Variants in TBC1D2 observed in about 807,000 individuals in gnomAD.
TBC1D2 encodes the protein TBC1 domain family member 2A.
Under a neutral mutation model 91.1 loss-of-function variants are expected in TBC1D2, and 58 were observed. The ratio of observed to expected loss-of-function variants is 0.64; its 90% CI spans 0.52 to 0.79. The LOEUF (loss-of-function observed/expected upper bound fraction) is 0.79, where lower values mean the gene tolerates loss of function less well. Ranked by LOEUF, TBC1D2 falls within the 30% of genes least tolerant of loss-of-function variation. The pLI, the probability that TBC1D2 is intolerant of heterozygous loss-of-function variation, is 0.00. For synonymous variants in TBC1D2, 482 were observed against 511.5 expected, an observed-to-expected ratio of 0.94 and a Z score of 0.78; for missense variants, 1,080 against 1,208.3, an observed-to-expected ratio of 0.89 and a Z score of 1.57.
chr9:98,208,826 G>T lies in TBC1D2; in HGVS notation c.1992C>A (p.His664Gln). ...CCAGCTCAATCTGGCGGGCAGCAGG[G>T]TGCTCGCGGGCCTGGCCCCGGCTCA... ...ELLSRGQAREHPAARQIELDL... is the reference protein window; with the variant it reads ...ELLSRGQAREQPAARQIELDL... Residue 664 changes from histidine to glutamine, a missense_variant, in exon 9 of 13, where the codon CAC becomes CAA. By Grantham distance (24) the His-to-Gln change is conservative. Transcript: ENST00000465784. 1.9e-6 allele frequency: 3 copies of T among 1,606,922 alleles called. No individual in the cohort carries two copies. The highest frequency in any genetic ancestry group is 2.6e-6 in the Non-Finnish European group (3 of 1,174,390).
At chr9:98,243,965 G>A in intron 3 of TBC1D2, 29 bp downstream of exon 3, 1 of 1,584,952 alleles carries the variant, frequency 6.3e-7, no homozygotes, top group South Asian at 1.2e-5. Context: ...CTGCAGCTTG[G>A]CTAGCCCCTC....
At chr9:98,214,303 C>T (rs1828920287) in intron 6 of TBC1D2, among the ~76,000 whole-genome samples, 2 of 68,202 alleles carry the variant, frequency 2.9e-5, no homozygotes, top group Admixed American at 3.6e-4. Context: ...CATGTGCAAG[C>T]GATGCTGCAG....
chr9:98,213,072 G>A (rs140622261), intron 7 of TBC1D2, 36 bp downstream of exon 7: 2 of 1,610,772 alleles, frequency 1.2e-6, no homozygotes, highest in Non-Finnish European at 8.5e-7. Flanking sequence ...GAGGGGCCAG[G>A]GATGGAGACG....
chr9:98,231,481 AAC>A (rs1410619338), intron 4 of TBC1D2, among the ~76,000 whole-genome samples: 1 of 152,184 alleles, frequency 6.6e-6, no homozygotes, highest in Non-Finnish European at 1.5e-5. Context: ...AACACAGTTT[AAC>A]ACAGTGTTGA....
intron 5 of TBC1D2, among the ~76,000 whole-genome samples, chr9:98,222,183 G>A (rs969963683): frequency 2.6e-5 from 4 of 152,188 alleles, no homozygotes; most frequent in Admixed American, 2.0e-4. Context: ...AAAACCAGGG[G>A]TGGCAGCTAT....
intron 3 of TBC1D2, 96 bp from the exon 4 acceptor site, chr9:98,233,645 C>G: frequency 6.5e-7 from 1 of 1,533,926 alleles, no homozygotes; most frequent in Admixed American, 1.9e-5. Context: ...AGGTCTCATC[C>G]CCACACCCTG....
At chr9:98,229,416 G>A (rs574162747) in intron 4 of TBC1D2, among the ~76,000 whole-genome samples, 2 of 152,232 alleles carry the variant, frequency 1.3e-5, no homozygotes, top group Non-Finnish European at 2.9e-5. Context: ...TGGCCCATCT[G>A]CTAAACTGTG....
intron 5 of TBC1D2, among the ~76,000 whole-genome samples, chr9:98,224,285 T>C (rs193150451): frequency 1.0e-3 from 150 of 144,298 alleles, no homozygotes; most frequent in East Asian, 6.7e-3. Flanking sequence ...CTTTTCTTTT[T>C]TTTTTTTTTT....
intron 2 of TBC1D2, 33 bp from the exon 3 acceptor site, chr9:98,244,162 G>C (rs768976429): frequency 9.3e-6 from 15 of 1,609,074 alleles, no homozygotes; most frequent in Admixed American, 3.4e-5. Context: ...TCCATCAGCT[G>C]GGTCACTGCA....
intron 2 of TBC1D2, 97 bp downstream of exon 2, chr9:98,251,687 CT>C: frequency 7.0e-7 from 1 of 1,434,702 alleles, no homozygotes; most frequent in Non-Finnish European, 9.1e-7. Context: ...TCTCTGCTTC[CT>C]TAGCAGAGGG....
chr9:98,210,073 A>G (rs772407863), intron 8 of TBC1D2, among the ~76,000 whole-genome samples: 17 of 148,906 alleles, frequency 1.1e-4, no homozygotes, highest in Non-Finnish European at 2.4e-4. Context: ...CAATCTGCCC[A>G]TCTCAGCCTC....
intron 6 of TBC1D2, chr9:98,213,679 A>G (rs1419493257): frequency 6.4e-6 from 1 of 156,338 alleles, no homozygotes; most frequent in African/African-American, 2.4e-5. Context: ...TGTAAAATTA[A>G]CTCAGTGTCA....
intron 6 of TBC1D2, among the ~76,000 whole-genome samples, chr9:98,220,580 T>C (rs1161285658): frequency 1.3e-5 from 2 of 152,124 alleles, no homozygotes; most frequent in Admixed American, 1.3e-4. Flanking sequence ...CACTTTTCAG[T>C]AGCCCAGGAT....
Position 98,233,329 on chromosome 9 carries a change from G to A in TBC1D2, c.781+87C>T. The A allele has an allele frequency of 2.7e-6, 4 of 1,508,792 alleles. No homozygotes were observed. In the South Asian group the frequency reaches 5.3e-5, roughly 20 times the overall value. 93.5% of individuals were successfully genotyped at this position (1,508,792 alleles called of 1,614,324 possible). On this transcript the variant is annotated intron_variant, in intron 4 of 12. Coordinates refer to ENST00000465784, the MANE Select transcript of TBC1D2 (RefSeq NM_001267571.2). ...CTAAGACACACACAAAAGCACAAATGCTGGTTCGCTGGAAGGAAAGAAGGC... is the reference window on the plus strand; with the variant it reads ...CTAAGACACACACAAAAGCACAAATACTGGTTCGCTGGAAGGAAAGAAGGC...
intron 3 of TBC1D2, among the ~76,000 whole-genome samples, chr9:98,237,909 CTTT>C (rs200976335): frequency 8.1e-6 from 1 of 124,106 alleles, no homozygotes. Context: ...TCTTTTTTTT[CTTT>C]TTTTTTTTTG....
At chr9:98,209,373 G>T (rs1003850855) in intron 8 of TBC1D2, among the ~76,000 whole-genome samples, 2 of 152,170 alleles carry the variant, frequency 1.3e-5, no homozygotes, top group Admixed American at 1.3e-4. Context: ...ATCCTCTGTT[G>T]TAAGATGCTG....
chr9:98,254,752 C>T (rs768393115), intron 1 of TBC1D2, among the ~76,000 whole-genome samples: 1 of 152,218 alleles, frequency 6.6e-6, no homozygotes, highest in Non-Finnish European at 1.5e-5. Flanking sequence ...GAATCAGAAT[C>T]CTGGCCTTGA....
chr9:98,203,324 G>A lies in TBC1D2; in HGVS notation c.2235C>T (p.Pro745=), dbSNP rs559966650. 72 of 1,614,212 alleles carry A rather than the reference G, an allele frequency of 4.5e-5. No individual in the cohort carries two copies. The highest frequency in any genetic ancestry group is 5.5e-5 in the South Asian group (5 of 91,090). The part of the protein sequence containing the change: ...CLVAIVETIM[P]ADYYCNTLTA... The stretch of plus-strand genomic sequence containing the variant: ...TCAGCGTGTTGCAGTAGTAATCAGC[G>A]GGCATGATGGTCTCCACAATGGCCA... Residue 745 remains proline, a synonymous_variant, in exon 10 of 13, where the codon CCC becomes CCT. Transcript: ENST00000465784.
At chr9:98,233,876 C>T (rs1207049927) in intron 3 of TBC1D2, among the ~76,000 whole-genome samples, 1 of 152,220 alleles carries the variant, frequency 6.6e-6, no homozygotes, top group Non-Finnish European at 1.5e-5. Flanking sequence ...GATGCACCTA[C>T]AATGCCTAAA....
Sources: gnomAD v4.1 joint callset for allele counts (sites outside exome capture counted in the v4.1 genomes callset) on GRCh38, gnomAD v4.1.1 for gene constraint, MANE v1.5 for transcripts, NCBI Gene and HGNC (gene_info 2026-07-23, HGNC 2026-07-21) for gene names.